FSAF1: variants seen among roughly 807,000 people sequenced by gnomAD.
FSAF1 encodes the protein 40S small subunit processome assembly factor 1, also known as uncharacterized protein C1orf131.
the FSAF1 span, chr1:231,225,664 T>C: frequency 1.3e-6 from 1 of 775,384 alleles, no homozygotes; most frequent in Non-Finnish European, 2.2e-6. Context: ...CATAACAGTC[T>C]CAAAGTTTTA....
At chr1:231,225,552 T>A in the FSAF1 span, 1 of 1,583,256 alleles carries the variant, frequency 6.3e-7, no homozygotes, top group Admixed American at 1.7e-5. Context: ...ATCATATACA[T>A]ATTAGTAGTG....
At chr1:231,233,322 G>A in the FSAF1 span, among the ~76,000 whole-genome samples, 3 of 152,098 alleles carry the variant, frequency 2.0e-5, no homozygotes, top group African/African-American at 7.2e-5. Context: ...GAAAGCCTGG[G>A]GTCTGAACCC....
chr1:231,229,003 T>G, the FSAF1 span: 1 of 501,556 alleles, frequency 2.0e-6, no homozygotes, highest in East Asian at 3.6e-5. Context: ...ATAAAAACTG[T>G]TAATTTTTAT....
At chr1:231,229,276 G>A in the FSAF1 span, 15 of 1,135,532 alleles carry the variant, frequency 1.3e-5, no homozygotes, top group East Asian at 3.6e-4. Flanking sequence ...CACCGAAAGA[G>A]TAGACATGTT....
chr1:231,241,001 G>A, the FSAF1 span: 1 of 1,596,800 alleles, frequency 6.3e-7, no homozygotes, highest in Non-Finnish European at 8.6e-7. Flanking sequence ...TCTCCACGTG[G>A]GCTCCTGGGA....
chr1:231,224,489 C>T, the FSAF1 span: 115 of 1,456,594 alleles, frequency 7.9e-5, no homozygotes, highest in African/African-American at 1.5e-3. Flanking sequence ...ACCAACCAGG[C>T]CACTGCAGTC....
chr1:231,240,648 G>A, the FSAF1 span, among the ~76,000 whole-genome samples: 1 of 152,134 alleles, frequency 6.6e-6, no homozygotes, highest in Non-Finnish European at 1.5e-5. This position sits in a 1 kb window ranked among gnomAD's most constrained non-coding sequence, Gnocchi z 4.1. Flanking sequence ...GCCCCAGAGC[G>A]AAATGACACC....
At chr1:231,237,167 T>C in the FSAF1 span, 1 of 152,334 alleles carries the variant, frequency 6.6e-6, no homozygotes, top group African/African-American at 2.4e-5. Context: ...GCCTGCAGAA[T>C]GCGCTAACGA....
chr1:231,232,100 C>G, the FSAF1 span, among the ~76,000 whole-genome samples: 5 of 152,194 alleles, frequency 3.3e-5, no homozygotes, highest in African/African-American at 9.7e-5. Context: ...ATTAGCATGA[C>G]CCACCACTGT....
At chr1:231,234,379 G>T in the FSAF1 span, among the ~76,000 whole-genome samples, 3 of 152,192 alleles carry the variant, frequency 2.0e-5, no homozygotes, top group Non-Finnish European at 4.4e-5. This position sits in a 1 kb window ranked among gnomAD's most constrained non-coding sequence, Gnocchi z 4.0. Context: ...CAACACACAG[G>T]TGTGTTAAGC....
At chr1:231,241,017 C>T in the FSAF1 span, 2 of 1,612,016 alleles carry the variant, frequency 1.2e-6, no homozygotes, top group Non-Finnish European at 1.7e-6. Flanking sequence ...TGGGACCCCG[C>T]ACTCACCAAA....
chr1:231,236,330 G>A, the FSAF1 span, among the ~76,000 whole-genome samples: 2 of 151,944 alleles, frequency 1.3e-5, no homozygotes, highest in Non-Finnish European at 2.9e-5. Flanking sequence ...TCCACATTCT[G>A]TTTCCTTAAC....
At chr1:231,225,799 G>A in the FSAF1 span, 1 of 437,086 alleles carries the variant, frequency 2.3e-6, no homozygotes, top group East Asian at 4.1e-5. Flanking sequence ...GACCAGCCTG[G>A]GCAACACAGC....
chr1:231,239,787 G>A, the FSAF1 span, among the ~76,000 whole-genome samples: 1 of 152,170 alleles, frequency 6.6e-6, no homozygotes, highest in Non-Finnish European at 1.5e-5. Flanking sequence ...GCTGATTTAT[G>A]CTTGCTACTA....
chr1:231,228,435 T>C, the FSAF1 span, among the ~76,000 whole-genome samples: 1 of 152,028 alleles, frequency 6.6e-6, no homozygotes, highest in East Asian at 1.9e-4. Flanking sequence ...CCTACCTCTA[T>C]TAAAAATACA....
chr1:231,239,279 A>G, the FSAF1 span: 2 of 1,093,036 alleles, frequency 1.8e-6, no homozygotes, highest in Non-Finnish European at 2.6e-6. Context: ...TACATATTCC[A>G]GGGCTATATG....
At chr1:231,238,680 G>C in the FSAF1 span, 54 of 573,692 alleles carry the variant, frequency 9.4e-5, no homozygotes, top group African/African-American at 8.7e-4. Flanking sequence ...AGGTCAGTCT[G>C]TAGGCCTACA....
chr1:231,240,113 G>C, the FSAF1 span, among the ~76,000 whole-genome samples: 1 of 152,170 alleles, frequency 6.6e-6, no homozygotes, highest in Non-Finnish European at 1.5e-5. This position sits in a 1 kb window ranked among gnomAD's most constrained non-coding sequence, Gnocchi z 4.1. Context: ...CCTGCATCAG[G>C]TTTCATGAAC....
At chr1:231,226,855 T>C in the FSAF1 span, 1 of 1,591,118 alleles carries the variant, frequency 6.3e-7, no homozygotes, top group Non-Finnish European at 8.6e-7. Context: ...AAACAAACCA[T>C]CATATTTTAT....
Sources: gnomAD v4.1 joint callset for allele counts (sites outside exome capture counted in the v4.1 genomes callset) on GRCh38, gnomAD v4.1.1 for gene constraint, Gnocchi (gnomAD v3.1) non-coding constraint, MANE v1.5 for transcripts, NCBI Gene and HGNC (gene_info 2026-07-23, HGNC 2026-07-21) for gene names.